The following SPATA16 variants were observed in gnomAD, a reference collection of about 807,000 sequenced individuals.
The protein encoded by SPATA16 is spermatogenesis associated 16, also known as spermatogenesis-associated protein 16.
A neutral mutation model predicts 63.3 loss-of-function variants in SPATA16; 36 were observed. That is an observed-to-expected ratio of 0.57 (90% CI 0.44 to 0.75). SPATA16 has a LOEUF of 0.75. Ranked by LOEUF, SPATA16 falls within the 30% of genes least tolerant of loss-of-function variation. The pLI is 0.00. For synonymous variants in SPATA16, 203 were observed against 216.7 expected (o/e 0.94, Z 0.56); for missense variants, 646 against 679.3 (o/e 0.95, Z 0.54).
chr3:173,000,884 T>C (rs181134923), intron 4 of SPATA16, among the ~76,000 whole-genome samples: 1 of 152,298 alleles, frequency 6.6e-6, no homozygotes, highest in Non-Finnish European at 1.5e-5. Context: ...CTGTTTGATT[T>C]TTTTCTTAGA....
At chr3:173,138,163 G>A (rs866427409) in intron 1 of SPATA16, among the ~76,000 whole-genome samples, 40 of 151,984 alleles carry the variant, frequency 2.6e-4, no homozygotes, top group Non-Finnish European at 1.3e-4. Flanking sequence ...AGACAGCATT[G>A]AATTCTTCTG....
At chr3:173,118,904 A>G (rs1450520538) in intron 1 of SPATA16, among the ~76,000 whole-genome samples, 2 of 152,214 alleles carry the variant, frequency 1.3e-5, no homozygotes, top group Admixed American at 6.5e-5. Context: ...TAAGATAACA[A>G]TGAGATAAAA....
intron 6 of SPATA16, among the ~76,000 whole-genome samples, chr3:172,948,504 G>A (rs1205422665): frequency 6.6e-6 from 1 of 151,890 alleles, no homozygotes; most frequent in African/African-American, 2.4e-5. Context: ...GTCTTGCTCT[G>A]TCACCCAGGC....
intron 5 of SPATA16, among the ~76,000 whole-genome samples, chr3:172,975,058 G>A (rs1734122451): frequency 6.6e-6 from 1 of 152,032 alleles, no homozygotes; most frequent in South Asian, 2.1e-4. Flanking sequence ...TTTGGTAAGT[G>A]GAGATTATTT....
At chr3:173,048,841 G>T in intron 3 of SPATA16, 108 bp downstream of exon 3, 2 of 1,417,590 alleles carry the variant, frequency 1.4e-6, no homozygotes, top group Non-Finnish European at 9.9e-7. Context: ...ATAAATGTTT[G>T]TTTCTTCTTT....
Position 173,090,167 on chromosome 3 carries a change from C to T in SPATA16, c.612+26953G>A, listed in dbSNP as rs1353321747. On this transcript the variant is annotated intron_variant, in intron 2 of 10. Coordinates refer to ENST00000351008, the MANE Select transcript of SPATA16 (RefSeq NM_031955.6). Reference sequence around the variant, plus strand: ...GATTGGATCATGAGGTCAGATTTCTCATGGATGGTTTAGCACCATTCCTCT... The same window carrying T: ...GATTGGATCATGAGGTCAGATTTCTTATGGATGGTTTAGCACCATTCCTCT... Among the ~76,000 whole-genome samples, 6 of 152,228 alleles carry T rather than the reference C, an allele frequency of 3.9e-5. No individual in the cohort carries two copies. In the South Asian group the frequency reaches 6.2e-4, roughly 16 times the overall value.
chr3:173,080,575 T>TG (rs1736901104), intron 2 of SPATA16, among the ~76,000 whole-genome samples: 2 of 152,252 alleles, frequency 1.3e-5, no homozygotes, highest in South Asian at 4.1e-4. Context: ...GAAGCCGCTG[T>TG]GGGGAATTTT....
chr3:173,082,709 C>A (rs1320207270), intron 2 of SPATA16, among the ~76,000 whole-genome samples: 1 of 152,166 alleles, frequency 6.6e-6, no homozygotes, highest in Non-Finnish European at 1.5e-5. Flanking sequence ...TATCCCCTCA[C>A]CCCGTGTGCC....
intron 2 of SPATA16, among the ~76,000 whole-genome samples, chr3:173,093,188 G>A (rs1434419096): frequency 3.9e-5 from 6 of 151,918 alleles, no homozygotes; most frequent in African/African-American, 7.2e-5. Context: ...AATTTAAAAT[G>A]TTCTTTAAAT....
intron 5 of SPATA16, among the ~76,000 whole-genome samples, chr3:172,972,065 G>A (rs891151501): frequency 1.3e-5 from 2 of 152,088 alleles, no homozygotes; most frequent in African/African-American, 2.4e-5. Flanking sequence ...CTTGAGAGTA[G>A]GACTAATCAC....
intron 3 of SPATA16, among the ~76,000 whole-genome samples, chr3:173,028,318 G>C (rs976470370): frequency 1.3e-5 from 2 of 151,688 alleles, no homozygotes; most frequent in African/African-American, 4.8e-5. Flanking sequence ...ATAAGATGAT[G>C]ACATTTATGC....
intron 2 of SPATA16, among the ~76,000 whole-genome samples, chr3:173,100,660 G>GCACA (rs3980195): frequency 0.029 from 3,925 of 134,068 alleles, 69 homozygotes; most frequent in Non-Finnish European, 0.037. Context: ...CACATAAACA[G>GCACA]CACACACACA....
chr3:172,912,338 A>G (rs1732387012), intron 10 of SPATA16, among the ~76,000 whole-genome samples: 1 of 152,214 alleles, frequency 6.6e-6, no homozygotes, highest in Non-Finnish European at 1.5e-5. Flanking sequence ...CATAAGGACC[A>G]TACAGGCAAG....
intron 5 of SPATA16, among the ~76,000 whole-genome samples, chr3:172,962,069 A>G (rs998888196): frequency 1.3e-5 from 2 of 152,006 alleles, no homozygotes; most frequent in Non-Finnish European, 2.9e-5. Context: ...CATGGCCAAC[A>G]TGGTGAAACC....
At chr3:173,036,045 ACTT>A (rs973364639) in intron 3 of SPATA16, among the ~76,000 whole-genome samples, 90 of 151,922 alleles carry the variant, frequency 5.9e-4, no homozygotes, top group African/African-American at 2.1e-3. Flanking sequence ...TGCATCAAGC[ACTT>A]CTTCTGCATA....
At chr3:172,906,119 A>G (rs778051415) in intron 10 of SPATA16, among the ~76,000 whole-genome samples, 1 of 152,176 alleles carries the variant, frequency 6.6e-6, no homozygotes, top group Non-Finnish European at 1.5e-5. Context: ...GAAGAAATAG[A>G]AGTGTTCCAA....
intron 5 of SPATA16, among the ~76,000 whole-genome samples, chr3:172,968,734 A>G (rs1236842289): frequency 6.6e-6 from 1 of 152,150 alleles, no homozygotes; most frequent in Non-Finnish European, 1.5e-5. Context: ...GGAACACTCA[A>G]CCTTGGATCA....
intron 2 of SPATA16, among the ~76,000 whole-genome samples, chr3:173,069,873 A>C (rs937260959): frequency 6.6e-6 from 1 of 152,212 alleles, no homozygotes; most frequent in Non-Finnish European, 1.5e-5. Flanking sequence ...CAACTTAATA[A>C]AGGACAAAAA....
chr3:172,941,354 C>T (rs1328415282), intron 6 of SPATA16, among the ~76,000 whole-genome samples: 1 of 152,106 alleles, frequency 6.6e-6, no homozygotes, highest in Non-Finnish European at 1.5e-5. Context: ...AGATTGTGAA[C>T]ACAGTGACCA....
Sources: allele counts gnomAD v4.1 joint callset (sites outside exome capture counted in the v4.1 genomes callset), GRCh38; gene constraint gnomAD v4.1.1; transcripts MANE v1.5; gene names NCBI Gene and HGNC (gene_info 2026-07-23, HGNC 2026-07-21).